QPRT: variants seen among roughly 807,000 people sequenced by gnomAD.
QPRT encodes quinolinate phosphoribosyltransferase.
QPRT carries 17 observed loss-of-function variants against 19.8 expected under a neutral mutation model. The ratio of observed to expected loss-of-function variants is 0.86; its 90% CI spans 0.59 to 1.29. QPRT has a LOEUF of 1.29. QPRT is among the 50% of genes most tolerant of loss of function. QPRT has a pLI of 0.00. For missense variants in QPRT, 336 were observed against 405.1 expected (o/e 0.83, Z 1.46); for synonymous variants, 178 against 191.0 (o/e 0.93, Z 0.56).
At chr16:29,684,800 C>A (rs1275651393) in intron 1 of QPRT, among the ~76,000 whole-genome samples, 2 of 152,198 alleles carry the variant, frequency 1.3e-5, no homozygotes, top group African/African-American at 4.8e-5. Context: ...TTCACCAGGC[C>A]ACGATTCAGG....
At chr16:29,680,920 G>A (rs891304464) in intron 1 of QPRT, among the ~76,000 whole-genome samples, 1 of 151,998 alleles carries the variant, frequency 6.6e-6, no homozygotes, top group African/African-American at 2.4e-5. Flanking sequence ...CAGCCTGGGC[G>A]ACAGAGCGAG....
chr16:29,689,060 C>T (rs1009656986), intron 1 of QPRT, among the ~76,000 whole-genome samples: 2 of 152,020 alleles, frequency 1.3e-5, no homozygotes, highest in African/African-American at 2.4e-5. Flanking sequence ...GGATTACAGG[C>T]GTGAGCCACC....
At chr16:29,685,197 G>A (rs959795810) in intron 1 of QPRT, among the ~76,000 whole-genome samples, 3 of 152,000 alleles carry the variant, frequency 2.0e-5, no homozygotes, top group Middle Eastern at 3.2e-3. Context: ...TTGGCCGGGC[G>A]CAGTGGCTCA....
At chr16:29,684,144 G>A (rs978127545) in intron 1 of QPRT, among the ~76,000 whole-genome samples, 10 of 152,044 alleles carry the variant, frequency 6.6e-5, no homozygotes, top group Admixed American at 1.3e-4. Context: ...TTTAGAGACC[G>A]TGGCTTGCTC....
intron 1 of QPRT, among the ~76,000 whole-genome samples, chr16:29,688,324 G>T (rs1967221346): frequency 6.6e-6 from 1 of 152,004 alleles, no homozygotes; most frequent in Admixed American, 6.6e-5. Flanking sequence ...CCCCCATCAG[G>T]GATCGGGGGC....
upstream of QPRT, chr16:29,679,051 C>G: frequency 7.0e-7 from 1 of 1,427,618 alleles, no homozygotes; most frequent in Non-Finnish European, 9.8e-7. Context: ...TGGCAGAGGA[C>G]AGGAGGGAGG....
At chr16:29,681,088 C>G (rs1041422707) in intron 1 of QPRT, among the ~76,000 whole-genome samples, 1 of 152,050 alleles carries the variant, frequency 6.6e-6, no homozygotes, top group African/African-American at 2.4e-5. Context: ...GTGGAACCAG[C>G]TCTCAGGGGT....
At chr16:29,690,122 G>A (rs1219470889) in intron 1 of QPRT, among the ~76,000 whole-genome samples, 2 of 150,992 alleles carry the variant, frequency 1.3e-5, no homozygotes, top group Non-Finnish European at 2.9e-5. Flanking sequence ...GTGAGAACAC[G>A]CGGTATTTGG....
Position 29,694,810 on chromosome 16 carries a change from C to CTGG in QPRT, c.161_163dup (p.Leu54_Ala55insVal). ...GCTGTGGGCCAAATCCCCTGGGGTA[C>CTGG]TGGCAGGGCAGCCTTTCTTCGATGC... On this transcript the variant is annotated inframe_insertion, in exon 2 of 4. Transcript: ENST00000395384. 1 of 1,614,074 alleles carries CTGG rather than the reference C, an allele frequency of 6.2e-7. No homozygotes were observed. Among genetic ancestry groups the CTGG allele is most frequent in the Non-Finnish European group, 8.5e-7 (1 of 1,179,948 alleles).
At chr16:29,694,132 T>C (rs1328963704) in intron 1 of QPRT, among the ~76,000 whole-genome samples, 1 of 150,710 alleles carries the variant, frequency 6.6e-6, no homozygotes, top group African/African-American at 2.4e-5. Context: ...TTAATTTTTT[T>C]TTTTGAGACG....
At chr16:29,686,348 C>A (rs1301958733) in intron 1 of QPRT, among the ~76,000 whole-genome samples, 1 of 152,170 alleles carries the variant, frequency 6.6e-6, no homozygotes, top group East Asian at 1.9e-4. Context: ...CCACCCCACA[C>A]CTCTGCCTGG....
chr16:29,698,034 G>A lies in QPRT; in HGVS notation c.*623G>A, dbSNP rs1967605335. The A allele has an allele frequency of 6.6e-6, 1 of 151,446 alleles. No individual in the cohort carries two copies. The highest frequency in any genetic ancestry group is 6.6e-5 in the Admixed American group (1 of 15,132). The allele number at this position is 151,446 out of a possible 1,614,324, so 9.4% of individuals were successfully genotyped here. ...AGAGAAAGAGAGAGGGAGGGAGGGA[G>A]GGAGGGAAAGGAAGGATGGAAAGAA... On this transcript the variant is annotated 3_prime_UTR_variant, in exon 4 of 4. Coordinates refer to ENST00000395384, the MANE Select transcript of QPRT (RefSeq NM_014298.6).
chr16:29,688,876 G>C (rs909471499), intron 1 of QPRT, among the ~76,000 whole-genome samples: 7 of 151,570 alleles, frequency 4.6e-5, no homozygotes, highest in African/African-American at 1.7e-4. Flanking sequence ...TGCCTCCTGG[G>C]TTCAAGCGAT....
intron 1 of QPRT, among the ~76,000 whole-genome samples, chr16:29,682,930 T>G (rs1967051251): frequency 6.6e-6 from 1 of 152,084 alleles, no homozygotes. Context: ...AAAAAATGTT[T>G]AATTTAGAGA....
chr16:29,697,626 A>G lies in QPRT; in HGVS notation c.*215A>G, dbSNP rs1465913121. On this transcript the variant is annotated 3_prime_UTR_variant, in exon 4 of 4. Coordinates refer to ENST00000395384, the MANE Select transcript of QPRT (RefSeq NM_014298.6). The surrounding 1 kb of genome is among the most constrained non-coding windows in gnomAD (Gnocchi z 4.4). ...CTAATCTGTAAAATGGGTCTAATAA[A>G]GGATCAACCACATGGGGTTCTGCGG... 1 of 582,246 alleles carries G rather than the reference A, an allele frequency of 1.7e-6. No individual in the cohort carries two copies. The highest frequency in any genetic ancestry group is 3.0e-6 in the Non-Finnish European group (1 of 330,878). The allele number at this position is 582,246 out of a possible 1,614,324, so 36.1% of individuals were successfully genotyped here.
At chr16:29,688,942 G>A (rs12932236) in intron 1 of QPRT, among the ~76,000 whole-genome samples, 11,312 of 150,548 alleles carry the variant, frequency 0.075, 539 homozygotes, top group Non-Finnish European at 0.11. Context: ...CACCATGCCC[G>A]GCTAATTTTT....
upstream of QPRT, chr16:29,679,108 C>T (rs1265571733): frequency 1.2e-6 from 2 of 1,611,702 alleles, no homozygotes; most frequent in Admixed American, 1.7e-5. Flanking sequence ...TGGGCCCTCC[C>T]TCCCTCCACA....
At chr16:29,696,921 C>T in intron 2 of QPRT, 75 bp from the exon 3 acceptor site, 9 of 1,488,178 alleles carry the variant, frequency 6.0e-6, no homozygotes. Context: ...GTCACCCTCG[C>T]CCTCCCGGCT....
rs185546402 is a variant in QPRT at position 29,679,718 on chromosome 16, G to C, written c.13+508G>C. On this transcript the variant is annotated intron_variant, in intron 1 of 3. Transcript: ENST00000395384. Reference sequence around the variant, plus strand: ...AACCATGAAGTCCGGTGGCAACAAAGGAATGAGAAAAGACAAGTTAAGATT... The same window carrying C: ...AACCATGAAGTCCGGTGGCAACAAACGAATGAGAAAAGACAAGTTAAGATT... 2.6e-3 allele frequency among the ~76,000 whole-genome samples: 391 copies of C among 152,232 alleles called. 3 individuals are homozygous for C. The highest frequency in any genetic ancestry group is 9.1e-3 in the African/African-American group (378 of 41,544).
Sources: allele counts gnomAD v4.1 joint callset (sites outside exome capture counted in the v4.1 genomes callset), GRCh38; gene constraint gnomAD v4.1.1; non-coding constraint Gnocchi (gnomAD v3.1); transcripts MANE v1.5; gene names NCBI Gene and HGNC (gene_info 2026-07-23, HGNC 2026-07-21).